Variants in CCDC91 observed in about 807,000 individuals in gnomAD.
CCDC91 encodes coiled-coil domain-containing protein 91.
Under a neutral mutation model 63.2 loss-of-function variants are expected in CCDC91, and 48 were observed. That is an observed-to-expected ratio of 0.76 (90% CI 0.60 to 0.97). CCDC91 has a LOEUF of 0.97. CCDC91 is among the 50% of genes least tolerant of loss of function. The probability of loss-of-function intolerance (pLI) is 0.00; values close to 1 mark genes in which losing one functional copy is unlikely to be tolerated. For synonymous variants in CCDC91, 167 were observed against 165.8 expected (o/e 1.01, Z -0.06); for missense variants, 500 against 494.6 (o/e 1.01, Z -0.10).
chr12:28,464,297 C>T (rs955666674), intron 11 of CCDC91, among the ~76,000 whole-genome samples: 8 of 152,122 alleles, frequency 5.3e-5, no homozygotes, highest in African/African-American at 1.7e-4. Flanking sequence ...TGAGTCTTAG[C>T]ACAGAACCAG....
At chr12:28,487,461 A>G (rs979146067) in intron 12 of CCDC91, among the ~76,000 whole-genome samples, 3 of 151,858 alleles carry the variant, frequency 2.0e-5, no homozygotes, top group Non-Finnish European at 4.4e-5. Flanking sequence ...CACAAAAAAG[A>G]TATCTCAGAG....
intron 8 of CCDC91, among the ~76,000 whole-genome samples, chr12:28,429,287 G>A (rs1171204363): frequency 6.6e-6 from 1 of 152,094 alleles, no homozygotes; most frequent in South Asian, 2.1e-4. Context: ...TCACAGTCAA[G>A]TTTTAATCCA....
chr12:28,197,004 T>C (rs1941814848), intron 1 of CCDC91, among the ~76,000 whole-genome samples: 1 of 152,176 alleles, frequency 6.6e-6, no homozygotes, highest in Admixed American at 6.5e-5. Context: ...ATAGTAAAAT[T>C]GTATTTCAGT....
At chr12:28,286,224 T>G (rs1249985330) in intron 3 of CCDC91, among the ~76,000 whole-genome samples, 1 of 152,190 alleles carries the variant, frequency 6.6e-6, no homozygotes, top group Non-Finnish European at 1.5e-5. Context: ...TAAAAAACTT[T>G]TATTTTAAGT....
intron 1 of CCDC91, among the ~76,000 whole-genome samples, chr12:28,207,865 C>T (rs568882921): frequency 1.3e-5 from 2 of 152,262 alleles, no homozygotes; most frequent in South Asian, 4.1e-4. Context: ...ACTTGATTCT[C>T]CAAATTAGGT....
At chr12:28,418,820 A>G (rs1017210642) in intron 8 of CCDC91, among the ~76,000 whole-genome samples, 3 of 152,138 alleles carry the variant, frequency 2.0e-5, no homozygotes, top group Non-Finnish European at 2.9e-5. Flanking sequence ...GTGACATTCA[A>G]AATGTTTGTT....
chr12:28,193,864 C>T (rs1591928949), intron 1 of CCDC91, among the ~76,000 whole-genome samples: 2 of 79,352 alleles, frequency 2.5e-5, no homozygotes, highest in South Asian at 6.2e-4. Context: ...GATTAAGTGT[C>T]TGCTGAAATC....
At chr12:28,510,588 C>G (rs1592903836) in intron 12 of CCDC91, among the ~76,000 whole-genome samples, 2 of 151,870 alleles carry the variant, frequency 1.3e-5, no homozygotes, top group East Asian at 3.9e-4. Flanking sequence ...ACTCAGTCTA[C>G]TGATGTAAAT....
chr12:28,281,252 A>C (rs1379363788), intron 3 of CCDC91, among the ~76,000 whole-genome samples: 2 of 152,182 alleles, frequency 1.3e-5, no homozygotes, highest in African/African-American at 2.4e-5. Flanking sequence ...TCAACCAGAG[A>C]AGCAGACCCA....
At chr12:28,259,772 CT>C (rs1196885626) in intron 3 of CCDC91, among the ~76,000 whole-genome samples, 4 of 151,602 alleles carry the variant, frequency 2.6e-5, no homozygotes, top group African/African-American at 9.7e-5. Context: ...TTAAAGATTC[CT>C]TTTTATAGTC....
intron 12 of CCDC91, among the ~76,000 whole-genome samples, chr12:28,543,696 C>G (rs1942792550): frequency 1.3e-5 from 2 of 152,022 alleles, no homozygotes; most frequent in South Asian, 4.1e-4. Flanking sequence ...CCTGATATCT[C>G]CCCTGAACTG....
intron 7 of CCDC91, among the ~76,000 whole-genome samples, chr12:28,374,085 T>G (rs1218489182): frequency 6.6e-6 from 1 of 152,216 alleles, no homozygotes; most frequent in Non-Finnish European, 1.5e-5. Context: ...TAATACACCC[T>G]ACTTAACAGA....
At chr12:28,533,837 A>T (rs771020361) in intron 12 of CCDC91, among the ~76,000 whole-genome samples, 1 of 151,754 alleles carries the variant, frequency 6.6e-6, no homozygotes, top group Non-Finnish European at 1.5e-5. Context: ...GTGTTTCCAT[A>T]GCCTTTCCAC....
chr12:28,232,852 A>C (rs1473211173), intron 1 of CCDC91, among the ~76,000 whole-genome samples: 1 of 151,856 alleles, frequency 6.6e-6, no homozygotes, highest in Non-Finnish European at 1.5e-5. Context: ...GTGTTGGTGC[A>C]TGCCTGTAAT....
At chr12:28,282,311 C>T (rs1234578300) in intron 3 of CCDC91, among the ~76,000 whole-genome samples, 1 of 152,062 alleles carries the variant, frequency 6.6e-6, no homozygotes, top group Non-Finnish European at 1.5e-5. Context: ...ACTCTGTGTG[C>T]TTTTGCATAA....
intron 7 of CCDC91, among the ~76,000 whole-genome samples, chr12:28,384,460 G>A (rs1445852092): frequency 6.6e-6 from 1 of 151,988 alleles, no homozygotes; most frequent in African/African-American, 2.4e-5. Flanking sequence ...CATATGTGTA[G>A]CCCACCAAAA....
At chr12:28,472,343 T>C (rs1950863354) in intron 11 of CCDC91, among the ~76,000 whole-genome samples, 1 of 152,258 alleles carries the variant, frequency 6.6e-6, no homozygotes, top group African/African-American at 2.4e-5. Context: ...AAATCAGGGA[T>C]TGGCAGACTT....
chr12:28,509,168 G>A (rs145298127), intron 12 of CCDC91, among the ~76,000 whole-genome samples: 2 of 152,004 alleles, frequency 1.3e-5, no homozygotes, highest in East Asian at 3.9e-4. Context: ...GCTAAATCCT[G>A]TGAGAGAATG....
chr12:28,252,006 G>A (rs1946146042), intron 1 of CCDC91, among the ~76,000 whole-genome samples: 1 of 152,100 alleles, frequency 6.6e-6, no homozygotes, highest in South Asian at 2.1e-4. Context: ...GACTTTACAG[G>A]TGTGAACATG....
Sources: gnomAD v4.1 joint callset for allele counts (sites outside exome capture counted in the v4.1 genomes callset) on GRCh38, gnomAD v4.1.1 for gene constraint, MANE v1.5 for transcripts, NCBI Gene and HGNC (gene_info 2026-07-23, HGNC 2026-07-21) for gene names.